Variants in ABCB5 observed in about 807,000 individuals in gnomAD.
The protein encoded by ABCB5 is ATP binding cassette subfamily B member 5, also known as ATP-binding cassette sub-family B member 5.
Under a neutral mutation model 144.2 loss-of-function variants are expected in ABCB5, and 155 were observed. The observed-to-expected ratio is 1.08, with a 90% CI of 0.94 to 1.23. The LOEUF (loss-of-function observed/expected upper bound fraction) is 1.23, where lower values mean the gene tolerates loss of function less well. Ranked by LOEUF, ABCB5 falls within the 50% of genes most tolerant of loss-of-function variation. The probability of loss-of-function intolerance (pLI) is 0.00; values close to 1 mark genes in which losing one functional copy is unlikely to be tolerated. For missense variants in ABCB5, 1,830 were observed against 1,520.8 expected, an observed-to-expected ratio of 1.20 and a Z score of -3.38; for synonymous variants, 610 against 528.6, an observed-to-expected ratio of 1.15 and a Z score of -2.11.
rs763570730 is a variant in ABCB5, at chr7:20,645,961, G to A, written c.804G>A (p.Arg268=). The stretch of plus-strand genomic sequence containing the variant: ...CTAAGTTGTGTTCTGTTTTTGTAAG[G>A]TATACACAGAATCTCAAAGATGCAA... ...AFRAQEKELQ[R]YTQNLKDAKD... is the part of the protein sequence containing the mutation. Residue 268 remains arginine, a splice_region_variant and synonymous_variant, in exon 9 of 28, where the codon AGG becomes AGA. Coordinates refer to ENST00000404938, the MANE Select transcript of ABCB5 (RefSeq NM_001163941.2). 5 of 1,613,246 alleles carry A rather than the reference G, an allele frequency of 3.1e-6. No individual in the cohort carries two copies. The highest frequency in any genetic ancestry group is 4.2e-6 in the Non-Finnish European group (5 of 1,179,672).
At chr7:20,629,423 C>G (rs79469415) in intron 4 of ABCB5, among the ~76,000 whole-genome samples, 2,402 of 152,146 alleles carry the variant, frequency 0.016, 25 homozygotes, top group Non-Finnish European at 0.024. Context: ...TTTAATCAAA[C>G]GCTTGGGCCA....
intron 14 of ABCB5, 103 bp from the exon 15 acceptor site, chr7:20,681,402 C>T (rs966846134): frequency 3.0e-5 from 40 of 1,324,972 alleles, no homozygotes; most frequent in Non-Finnish European, 3.9e-5. Flanking sequence ...GCTGGAATTA[C>T]AGGCATGAGC....
At chr7:20,663,602 T>TAGTGTTTA (rs1785074569) in intron 14 of ABCB5, among the ~76,000 whole-genome samples, 1 of 151,998 alleles carries the variant, frequency 6.6e-6, no homozygotes, top group African/African-American at 2.4e-5. Context: ...AGCGGGGAGT[T>TAGTGTTTA]AGTGTTTAAT....
At chr7:20,645,628 A>T (rs17216606) in intron 7 of ABCB5, 128 bp from the exon 8 acceptor site, 2 of 1,196,588 alleles carry the variant, frequency 1.7e-6, no homozygotes, top group Admixed American at 5.5e-5. Context: ...AAATTTTTAA[A>T]AATACAGAGA....
intron 26 of ABCB5, among the ~76,000 whole-genome samples, chr7:20,751,054 A>C (rs912648253): frequency 2.0e-5 from 3 of 152,120 alleles, no homozygotes; most frequent in African/African-American, 7.2e-5. Context: ...GCCTGCAGGG[A>C]TTCTCCAGAA....
At chr7:20,625,378 G>A (rs1001676741) in intron 2 of ABCB5, among the ~76,000 whole-genome samples, 9 of 152,112 alleles carry the variant, frequency 5.9e-5, no homozygotes, top group Non-Finnish European at 1.2e-4. Flanking sequence ...AGAATTTTGC[G>A]CGTGCATGTG....
At chr7:20,681,401 A>G (rs1785823024) in intron 14 of ABCB5, 104 bp from the exon 15 acceptor site, 6 of 1,289,278 alleles carry the variant, frequency 4.7e-6, no homozygotes, top group East Asian at 2.5e-5. Context: ...TGCTGGAATT[A>G]CAGGCATGAG....
chr7:20,645,885 T>G lies in ABCB5; in HGVS notation c.803+5T>G, dbSNP rs11983326. 487,703 of 1,612,740 alleles carry G rather than the reference T, an allele frequency of 0.3. 75,696 individuals are homozygous for G. Among genetic ancestry groups the G allele is most frequent in the African/African-American group, 0.47 (35,277 of 74,888 alleles). ...CCAGGAGAAAGAACTTCAAAGGTCT[T>G]TCCTTTTAAATATAACAAGATATGC... On this transcript the variant is annotated splice_donor_5th_base_variant and intron_variant, in intron 8 of 27. Coordinates refer to ENST00000404938, the MANE Select transcript of ABCB5 (RefSeq NM_001163941.2).
rs1339696917 is a variant in ABCB5 at position 20,668,606 on chromosome 7, C to T, written c.1707+9930C>T. Reference sequence around the variant, plus strand: ...GGAGGGAGGTGGGGGGGGGGGTCAGCCCCCCGCCCGGCCAGCCGCCCCGTC... The same window carrying T: ...GGAGGGAGGTGGGGGGGGGGGTCAGTCCCCCGCCCGGCCAGCCGCCCCGTC... On this transcript the variant is annotated intron_variant, in intron 14 of 27. Coordinates refer to ENST00000404938, the MANE Select transcript of ABCB5 (RefSeq NM_001163941.2). Among the ~76,000 whole-genome samples, 501 of 145,590 alleles carry T rather than the reference C, an allele frequency of 3.4e-3. 1 individual carries two copies. Among genetic ancestry groups the T allele is most frequent in the African/African-American group, 0.012 (474 of 38,928 alleles).
intron 20 of ABCB5, among the ~76,000 whole-genome samples, chr7:20,707,999 T>C (rs925012623): frequency 6.6e-6 from 1 of 151,446 alleles, no homozygotes; most frequent in Non-Finnish European, 1.5e-5. Context: ...TAGAGACGGG[T>C]TTTCACCATG....
intron 23 of ABCB5, among the ~76,000 whole-genome samples, chr7:20,732,452 G>C (rs1021438355): frequency 1.3e-5 from 2 of 152,102 alleles, no homozygotes; most frequent in African/African-American, 4.8e-5. Context: ...AACCTATCTT[G>C]TTCACTGATG....
At chr7:20,704,296 C>T (rs141184593) in intron 19 of ABCB5, among the ~76,000 whole-genome samples, 321 of 152,002 alleles carry the variant, frequency 2.1e-3, no homozygotes, top group African/African-American at 7.5e-3. Flanking sequence ...AGGCTGGTCT[C>T]GACCCCCTAG....
chr7:20,679,809 T>C (rs111995229), intron 14 of ABCB5, among the ~76,000 whole-genome samples: 4,399 of 152,218 alleles, frequency 0.029, 160 homozygotes, highest in African/African-American at 0.081. Flanking sequence ...TCTTGCACTA[T>C]TGGGGGGTTT....
chr7:20,624,932 C>A (rs1783876107), intron 2 of ABCB5, among the ~76,000 whole-genome samples: 1 of 151,890 alleles, frequency 6.6e-6, no homozygotes, highest in Non-Finnish European at 1.5e-5. Context: ...CCCAAACCCG[C>A]CCACCTGCCC....
rs369107980 is a variant in ABCB5, at chr7:20,664,120, G to C, written c.1707+5444G>C. 2.0e-4 allele frequency among the ~76,000 whole-genome samples: 30 copies of C among 152,068 alleles called. No individual in the cohort carries two copies. In the East Asian group the frequency reaches 3.5e-3, roughly 18 times the overall value. ...AAAAAAATTAATAAATAAAAGAATAGTGACAAAGAGGAATTTGGCCTCTCA... is the reference window on the plus strand; with the variant it reads ...AAAAAAATTAATAAATAAAAGAATACTGACAAAGAGGAATTTGGCCTCTCA... On this transcript the variant is annotated intron_variant, in intron 14 of 27. Transcript: ENST00000404938.
chr7:20,726,362 T>TC (rs1782037076), intron 21 of ABCB5, among the ~76,000 whole-genome samples: 1 of 132,988 alleles, frequency 7.5e-6, no homozygotes. Context: ...TGCTATCTTT[T>TC]TTTTTTTTTT....
chr7:20,722,395 G>A (rs956353327), intron 20 of ABCB5, among the ~76,000 whole-genome samples: 1 of 152,084 alleles, frequency 6.6e-6, no homozygotes, highest in Non-Finnish European at 1.5e-5. Context: ...TTTAAGGAGA[G>A]GTCTCAGAGC....
chr7:20,660,391 A>C, intron 14 of ABCB5: 1 of 985,574 alleles, frequency 1.0e-6, no homozygotes, highest in Non-Finnish European at 1.2e-6. Flanking sequence ...TCAATGTAGA[A>C]ATAGGTGTGA....
intron 13 of ABCB5, among the ~76,000 whole-genome samples, chr7:20,656,291 C>G (rs1329644456): frequency 1.3e-5 from 2 of 152,150 alleles, no homozygotes; most frequent in East Asian, 3.9e-4. Flanking sequence ...AAAGTTAAAA[C>G]CTCCTTTTTA....
Sources: gnomAD v4.1 joint callset for allele counts (sites outside exome capture counted in the v4.1 genomes callset) on GRCh38, gnomAD v4.1.1 for gene constraint, MANE v1.5 for transcripts, NCBI Gene and HGNC (gene_info 2026-07-23, HGNC 2026-07-21) for gene names.